Variants in ITPR1 observed in about 807,000 individuals in gnomAD.
ITPR1 encodes inositol 1,4,5-trisphosphate-gated calcium channel ITPR1.
A neutral mutation model predicts 318.4 loss-of-function variants in ITPR1; 96 were observed. That is an observed-to-expected ratio of 0.30 (90% CI 0.26 to 0.36). The LOEUF is 0.36. ITPR1 is among the 10% of genes least tolerant of loss of function. ITPR1 has a pLI of 1.00. For synonymous variants in ITPR1, 1,312 were observed against 1,289.9 expected, an observed-to-expected ratio of 1.02 and a Z score of -0.37; for missense variants, 2,440 against 3,460.2, an observed-to-expected ratio of 0.71 and a Z score of 7.40.
At chr3:4,667,649 C>G in intron 18 of ITPR1, 100 bp downstream of exon 18, 1 of 1,209,676 alleles carries the variant, frequency 8.3e-7, no homozygotes, top group Non-Finnish European at 1.1e-6. Context: ...CTGCTAGTGA[C>G]AAGTTTTGAT....
chr3:4,787,565 G>T (rs1184346808), intron 51 of ITPR1, among the ~76,000 whole-genome samples: 1 of 148,128 alleles, frequency 6.8e-6, no homozygotes, highest in Non-Finnish European at 1.5e-5. Flanking sequence ...AGGCGTGAAG[G>T]TGCGTGCCTG....
At chr3:4,753,014 C>T (rs919367467) in intron 44 of ITPR1, among the ~76,000 whole-genome samples, 2 of 151,972 alleles carry the variant, frequency 1.3e-5, no homozygotes, top group African/African-American at 4.8e-5. Context: ...GAAGCGTGGC[C>T]AGGGAGGGCT....
intron 2 of ITPR1, among the ~76,000 whole-genome samples, chr3:4,515,978 A>G (rs1419594545): frequency 1.3e-5 from 2 of 152,160 alleles, no homozygotes; most frequent in Non-Finnish European, 2.9e-5. Context: ...TCTTTTTATT[A>G]ATGTCATTTT....
intron 21 of ITPR1, among the ~76,000 whole-genome samples, 167 bp downstream of exon 21, chr3:4,673,554 G>A (rs938913566): frequency 1.1e-4 from 17 of 152,136 alleles, no homozygotes; most frequent in Admixed American, 1.1e-3. Flanking sequence ...GAATGTGAAA[G>A]ATGGCATGAT....
chr3:4,823,793 G>T (rs2049879086), intron 60 of ITPR1, among the ~76,000 whole-genome samples: 1 of 152,130 alleles, frequency 6.6e-6, no homozygotes, highest in African/African-American at 2.4e-5. Flanking sequence ...TGGTGCTTGG[G>T]TGATGGACGC....
chr3:4,528,788 G>A (rs2083184721), intron 4 of ITPR1, among the ~76,000 whole-genome samples: 1 of 152,166 alleles, frequency 6.6e-6, no homozygotes, highest in Non-Finnish European at 1.5e-5. Flanking sequence ...CCTTGTAGGA[G>A]AGTCTCCTCC....
rs777765810 is a variant in ITPR1 at position 4,727,151 on chromosome 3, G to A, written c.5198G>A (p.Arg1733Gln). The A allele has an allele frequency of 1.6e-5, 25 of 1,597,378 alleles. No homozygotes were observed. Among genetic ancestry groups the A allele is most frequent in the Non-Finnish European group, 2.0e-5 (23 of 1,178,524 alleles). ...TEELEPSPPL[R>Q]QLEDHKRGEA... The stretch of plus-strand genomic sequence containing the variant: ...GAGCTTGAACCAAGTCCACCCCTGC[G>A]GCAGCTGGAAGACCATAAAAGGGTA... Residue 1733 changes from arginine (R) to glutamine (Q), a missense_variant, in exon 42 of 62, where the codon CGG becomes CAG. Coordinates refer to ENST00000649015, the MANE Select transcript of ITPR1 (RefSeq NM_001378452.1).
chr3:4,653,967 A>C, intron 12 of ITPR1, 81 bp downstream of exon 12: 1 of 993,078 alleles, frequency 1.0e-6, no homozygotes, highest in Non-Finnish European at 1.6e-6. Flanking sequence ...AGAAACTGTC[A>C]CTGTGGTCAC....
In ITPR1 at chr3:4,730,231, C is replaced by CA. The variant is rs913420101; in HGVS notation, c.5221-2848dup. Among the ~76,000 whole-genome samples, 19 of 112,984 alleles carry CA rather than the reference C, an allele frequency of 1.7e-4. 1 individual carries two copies. The East Asian group carries it at 3.8e-3, about 23-fold the overall frequency. 74.1% of individuals were successfully genotyped at this position (112,984 alleles called of 152,430 possible). On this transcript the variant is annotated intron_variant, in intron 42 of 61. Coordinates refer to ENST00000649015, the MANE Select transcript of ITPR1 (RefSeq NM_001378452.1). ...ATCTCATCTTTAAAAAAAAAAAAAA[C>CA]AAAAAAAAACCTTGCTCTCTGGTTT...
chr3:4,569,819 A>C (rs1194046170), intron 4 of ITPR1, among the ~76,000 whole-genome samples: 3 of 152,230 alleles, frequency 2.0e-5, no homozygotes, highest in Non-Finnish European at 4.4e-5. Flanking sequence ...GAACTCTAGA[A>C]TAGCAGTGGT....
chr3:4,653,092 A>G (rs2093632777), intron 11 of ITPR1, among the ~76,000 whole-genome samples: 2 of 152,196 alleles, frequency 1.3e-5, no homozygotes, highest in Non-Finnish European at 2.9e-5. Context: ...CAGCCATCCT[A>G]CTGTGTGACA....
At chr3:4,643,088 A>G (rs1194212812) in intron 7 of ITPR1, among the ~76,000 whole-genome samples, 1 of 152,248 alleles carries the variant, frequency 6.6e-6, no homozygotes, top group Non-Finnish European at 1.5e-5. Context: ...TGTATAAGAT[A>G]GGGAATGTAC....
chr3:4,710,724 C>A lies in ITPR1; in HGVS notation c.4991+251C>A, dbSNP rs147645928. 1.6e-3 allele frequency among the ~76,000 whole-genome samples: 245 copies of A among 152,232 alleles called. No individual in the cohort carries two copies. Among genetic ancestry groups the A allele is most frequent in the African/African-American group, 5.5e-3 (230 of 41,546 alleles). On this transcript the variant is annotated intron_variant, in intron 38 of 61. Transcript: ENST00000649015. The surrounding 1 kb of genome is among the most constrained non-coding windows in gnomAD (Gnocchi z 4.2). ...TTCTTATTTTCACTGCATGCCCATT[C>A]ATTCATTCATTACAGTGCACCCACC...
intron 4 of ITPR1, among the ~76,000 whole-genome samples, chr3:4,533,302 C>T (rs1052513661): frequency 1.6e-4 from 24 of 152,188 alleles, no homozygotes; most frequent in African/African-American, 5.5e-4. Flanking sequence ...CCTGGGGAGA[C>T]ACTACAGCGT....
Position 4,846,520 on chromosome 3 carries a change from T to A in ITPR1, c.*295T>A, listed in dbSNP as rs1305384803. ...TTGAACCAGATTATAGATTTAAAAG[T>A]ATATGACATGTATTTTGTATTTAAA... On this transcript the variant is annotated 3_prime_UTR_variant, in exon 62 of 62. Transcript: ENST00000649015. 1 of 232,362 alleles carries A rather than the reference T, an allele frequency of 4.3e-6. No individual in the cohort carries two copies. The highest frequency in any genetic ancestry group is 2.3e-5 in the African/African-American group (1 of 44,154). 14.4% of individuals were successfully genotyped at this position (232,362 alleles called of 1,614,324 possible).
intron 4 of ITPR1, among the ~76,000 whole-genome samples, chr3:4,609,101 T>C (rs1332571727): frequency 9.7e-6 from 1 of 102,864 alleles, no homozygotes; most frequent in Non-Finnish European, 2.0e-5. Context: ...CACACACACG[T>C]ATGTCAGTGG....
At chr3:4,642,707 G>A (rs1219504579) in intron 7 of ITPR1, among the ~76,000 whole-genome samples, 3 of 152,204 alleles carry the variant, frequency 2.0e-5, no homozygotes, top group Non-Finnish European at 4.4e-5. Context: ...AAGCCGGCAG[G>A]CTCCCCGTCG....
intron 60 of ITPR1, among the ~76,000 whole-genome samples, chr3:4,833,019 G>A (rs1269320256): frequency 6.6e-6 from 1 of 152,250 alleles, no homozygotes; most frequent in Non-Finnish European, 1.5e-5. Flanking sequence ...CCTGGCCGGT[G>A]ACCACAGTTC....
At chr3:4,508,455 G>GT (rs4054897) in intron 2 of ITPR1, among the ~76,000 whole-genome samples, 36,161 of 125,656 alleles carry the variant, frequency 0.29, 5,853 homozygotes, top group Non-Finnish European at 0.36. Context: ...GAAAATCAAG[G>GT]TTTTTTTTTT....
Sources: gnomAD v4.1 joint callset for allele counts (sites outside exome capture counted in the v4.1 genomes callset) on GRCh38, gnomAD v4.1.1 for gene constraint, Gnocchi (gnomAD v3.1) non-coding constraint, MANE v1.5 for transcripts, NCBI Gene and HGNC (gene_info 2026-07-23, HGNC 2026-07-21) for gene names.